CDC73: variants seen among roughly 807,000 people sequenced by gnomAD.
The protein encoded by CDC73 is parafibromin.
Under a neutral mutation model 83.7 loss-of-function variants are expected in CDC73, and 21 were observed. That is an observed-to-expected ratio of 0.25 (90% confidence interval 0.18 to 0.36). The LOEUF (loss-of-function observed/expected upper bound fraction) is 0.36, where lower values mean the gene tolerates loss of function less well. CDC73 is among the 10% of genes least tolerant of loss of function. The pLI is 1.00. For missense variants in CDC73, 342 were observed against 653.3 expected (o/e 0.52, Z 5.19); for synonymous variants, 224 against 212.9 (o/e 1.05, Z -0.45).
intron 15 of CDC73, among the ~76,000 whole-genome samples, chr1:193,240,369 A>G (rs1194236437): frequency 1.3e-5 from 2 of 152,200 alleles, no homozygotes; most frequent in East Asian, 3.8e-4. Flanking sequence ...TTCCTTTTGA[A>G]AAATACCCAG....
chr1:193,185,392 T>C (rs562449035), intron 10 of CDC73, among the ~76,000 whole-genome samples: 102 of 152,220 alleles, frequency 6.7e-4, no homozygotes, highest in African/African-American at 2.4e-3. Flanking sequence ...CACTACCTTA[T>C]GTGATCTTAT....
At chr1:193,233,433 A>G (rs1385945565) in intron 14 of CDC73, among the ~76,000 whole-genome samples, 1 of 152,214 alleles carries the variant, frequency 6.6e-6, no homozygotes, top group Non-Finnish European at 1.5e-5. Context: ...GCAATTATCA[A>G]ATTTTATCAT....
chr1:193,155,504 G>A (rs759434145), intron 10 of CDC73, among the ~76,000 whole-genome samples: 18 of 152,268 alleles, frequency 1.2e-4, no homozygotes, highest in South Asian at 2.1e-4. Flanking sequence ...TAGGCCAGGC[G>A]CAGTGGCTCA....
At chr1:193,155,044 A>G (rs1676182978) in intron 10 of CDC73, among the ~76,000 whole-genome samples, 2 of 152,336 alleles carry the variant, frequency 1.3e-5, no homozygotes, top group African/African-American at 4.8e-5. Context: ...AATTAGGATC[A>G]GTCTATGTAT....
At position 193,130,230 on chromosome 1, in the gene CDC73, C is replaced by A; in HGVS notation, c.294C>A (p.Leu98=). ...ATCGAAAAGATCTACTTGGATATCT[C>A]AATGGTGAAGCGTGTGAGTACTTTT... The part of the protein sequence containing the change: ...RPDRKDLLGY[L]NGEASTSASI... Residue 98 remains leucine, a synonymous_variant, in exon 3 of 17, where the codon CTC becomes CTA. Coordinates refer to ENST00000367435, the MANE Select transcript of CDC73 (RefSeq NM_024529.5). 1 of 1,598,116 alleles carries A rather than the reference C, an allele frequency of 6.3e-7. No individual in the cohort carries two copies. The highest frequency in any genetic ancestry group is 8.6e-7 in the Non-Finnish European group (1 of 1,165,884).
chr1:193,250,990 A>C lies in CDC73; in HGVS notation c.*278A>C. The C allele has an allele frequency of 2.2e-6, 1 of 456,876 alleles. No individual in the cohort carries two copies. Among genetic ancestry groups the C allele is most frequent in the Admixed American group, 3.6e-5 (1 of 27,590 alleles). The allele number at this position is 456,876 out of a possible 1,614,324, so 28.3% of individuals were successfully genotyped here. A position where few individuals can be genotyped will look rare whatever the true frequency, so the allele number is the denominator to read the frequency against. ...CATTACTTAAAATTTGTTTCTTTAG[A>C]AAATAAATGCAGGTTATAAATGTGT... is the stretch of plus-strand genomic sequence containing the variant. On this transcript the variant is annotated 3_prime_UTR_variant, in exon 17 of 17. Transcript: ENST00000367435.
intron 8 of CDC73, among the ~76,000 whole-genome samples, chr1:193,148,842 G>A (rs141074127): frequency 1.1e-3 from 171 of 151,398 alleles, no homozygotes; most frequent in African/African-American, 4.0e-3. Context: ...ATGGGGTTTC[G>A]TCCTGTTCAA....
chr1:193,132,859 G>C (rs989780661), intron 3 of CDC73, among the ~76,000 whole-genome samples: 1 of 149,872 alleles, frequency 6.7e-6, no homozygotes, highest in Non-Finnish European at 1.5e-5. Flanking sequence ...ATCAAAAGTA[G>C]AGTTGCCCTT....
chr1:193,195,165 A>G (rs1368267406), intron 10 of CDC73, among the ~76,000 whole-genome samples: 6 of 152,114 alleles, frequency 3.9e-5, no homozygotes, highest in Non-Finnish European at 8.8e-5. Flanking sequence ...AATTTGATGA[A>G]GCCTACTCAC....
intron 13 of CDC73, among the ~76,000 whole-genome samples, chr1:193,213,107 G>A (rs939839323): frequency 4.6e-5 from 7 of 152,022 alleles, no homozygotes; most frequent in African/African-American, 7.2e-5. Flanking sequence ...AGTAGTTTAC[G>A]TATATTTTCC....
chr1:193,135,610 A>G, intron 5 of CDC73, 21 bp downstream of exon 5: 1 of 1,558,578 alleles, frequency 6.4e-7, no homozygotes, highest in South Asian at 1.1e-5. Context: ...TGTATTTTAA[A>G]CAATTTTATT....
At chr1:193,160,921 C>T (rs990786781) in intron 10 of CDC73, among the ~76,000 whole-genome samples, 2 of 151,912 alleles carry the variant, frequency 1.3e-5, no homozygotes, top group Non-Finnish European at 1.5e-5. Context: ...ATCAATTTCT[C>T]GGTCTTTGTA....
At chr1:193,162,754 T>G (rs1205311949) in intron 10 of CDC73, among the ~76,000 whole-genome samples, 1 of 152,176 alleles carries the variant, frequency 6.6e-6, no homozygotes. Context: ...ATCAATCCTG[T>G]AATCATTTAC....
chr1:193,166,609 G>A (rs2103146297), intron 10 of CDC73, among the ~76,000 whole-genome samples: 1 of 151,850 alleles, frequency 6.6e-6, no homozygotes, highest in Non-Finnish European at 1.5e-5. Context: ...TTATGTAGGT[G>A]CTTATGTAAC....
chr1:193,214,698 G>A (rs570460577), intron 13 of CDC73, among the ~76,000 whole-genome samples: 9 of 152,302 alleles, frequency 5.9e-5, no homozygotes, highest in Admixed American at 4.6e-4. Flanking sequence ...CAGCCTGGGC[G>A]ACAGAGCGAG....
chr1:193,249,895 TTGTG>T, intron 16 of CDC73, 24 bp downstream of exon 16: 1 of 1,608,708 alleles, frequency 6.2e-7, no homozygotes, highest in Non-Finnish European at 8.5e-7. Flanking sequence ...TAAAATATGC[TTGTG>T]TGTGTTTTAT....
chr1:193,154,017 A>G (rs1490752515), intron 10 of CDC73, among the ~76,000 whole-genome samples: 1 of 152,232 alleles, frequency 6.6e-6, no homozygotes, highest in African/African-American at 2.4e-5. Flanking sequence ...AGATACTCCC[A>G]TCTTATGCGA....
intron 2 of CDC73, 31 bp downstream of exon 2, chr1:193,125,248 A>G: frequency 8.3e-7 from 1 of 1,205,736 alleles, no homozygotes; most frequent in Non-Finnish European, 1.2e-6. Flanking sequence ...TTATCTATCT[A>G]TTTATCAGTT....
chr1:193,155,920 C>T (rs1572163629), intron 10 of CDC73, among the ~76,000 whole-genome samples: 1 of 152,140 alleles, frequency 6.6e-6, no homozygotes, highest in Non-Finnish European at 1.5e-5. Flanking sequence ...CCTACCCTAA[C>T]ACCTAGGGAA....
Sources: allele counts gnomAD v4.1 joint callset (sites outside exome capture counted in the v4.1 genomes callset), GRCh38; gene constraint gnomAD v4.1.1; transcripts MANE v1.5; gene names NCBI Gene and HGNC (gene_info 2026-07-23, HGNC 2026-07-21).